Variants in DLG2 observed in about 807,000 individuals in gnomAD.
DLG2 encodes the protein disks large homolog 2.
A neutral mutation model predicts 132.5 loss-of-function variants in DLG2; 45 were observed. That is an observed-to-expected ratio of 0.34 (90% CI 0.27 to 0.44). The LOEUF is 0.44. DLG2 is among the 20% of genes least tolerant of loss of function. DLG2 has a pLI of 1.00. For synonymous variants in DLG2, 424 were observed against 419.6 expected, an observed-to-expected ratio of 1.01 and a Z score of -0.13; for missense variants, 1,045 against 1,196.9, an observed-to-expected ratio of 0.87 and a Z score of 1.87.
intron 19 of DLG2, among the ~76,000 whole-genome samples, chr11:83,595,628 A>T (rs1440843442): frequency 6.6e-6 from 1 of 152,228 alleles, no homozygotes; most frequent in African/African-American, 2.4e-5. Flanking sequence ...GCTGTTACTG[A>T]TGCGGTCTCA....
At chr11:84,619,830 A>G (rs2099610820) in intron 6 of DLG2, among the ~76,000 whole-genome samples, 1 of 151,758 alleles carries the variant, frequency 6.6e-6, no homozygotes, top group South Asian at 2.1e-4. Flanking sequence ...ATGCAAAAAT[A>G]GTCTATATTT....
At position 85,400,624 on chromosome 11, in the gene DLG2, C is replaced by G. The variant is rs1464678215; in HGVS notation, c.41-115259G>C. Among the ~76,000 whole-genome samples the G allele has an allele frequency of 5.6e-5, 8 of 143,958 alleles. 1 individual carries two copies. The South Asian group carries it at 9.1e-4, about 16-fold the overall frequency. The allele number at this position is 143,958 out of a possible 152,430, so 94.4% of individuals were successfully genotyped here. A position where few individuals can be genotyped will look rare whatever the true frequency, so the allele number is the denominator to read the frequency against. On this transcript the variant is annotated intron_variant, in intron 3 of 27. Transcript: ENST00000376104. ...GCCATAAAAAATGATGAGTTCATTT[C>G]CTTTGTAGGGACATGGATGAAATTG...
chr11:85,057,547 C>T (rs979513292), intron 6 of DLG2, among the ~76,000 whole-genome samples: 1 of 151,490 alleles, frequency 6.6e-6, no homozygotes, highest in Non-Finnish European at 1.5e-5. Flanking sequence ...AAATATCAAG[C>T]CCAAAGACTT....
At chr11:85,078,048 T>C (rs916614285) in intron 6 of DLG2, among the ~76,000 whole-genome samples, 2 of 151,898 alleles carry the variant, frequency 1.3e-5, no homozygotes, top group African/African-American at 4.8e-5. Flanking sequence ...TTTTTTACAT[T>C]TCCATTTATT....
chr11:84,679,361 A>G (rs987888464), intron 6 of DLG2, among the ~76,000 whole-genome samples: 5 of 152,118 alleles, frequency 3.3e-5, no homozygotes, highest in Non-Finnish European at 7.4e-5. Flanking sequence ...AAATGATGAC[A>G]GATTCCAGTT....
At chr11:85,273,835 T>G (rs1015431708) in intron 4 of DLG2, among the ~76,000 whole-genome samples, 17 of 152,242 alleles carry the variant, frequency 1.1e-4, no homozygotes, top group Non-Finnish European at 2.1e-4. Flanking sequence ...ACTCACAATA[T>G]CAAAGACTTG....
intron 14 of DLG2, among the ~76,000 whole-genome samples, chr11:83,938,182 C>A (rs942174397): frequency 7.9e-5 from 12 of 152,078 alleles, no homozygotes; most frequent in Admixed American, 1.3e-4. Flanking sequence ...CAGGAAAATG[C>A]TTTATTTTAT....
chr11:84,340,740 C>A (rs1282367864), intron 7 of DLG2, among the ~76,000 whole-genome samples: 1 of 152,062 alleles, frequency 6.6e-6, no homozygotes, highest in Non-Finnish European at 1.5e-5. Context: ...TTGGCCATGA[C>A]ATAACTTCAG....
chr11:83,881,988 A>C (rs1306868399), intron 15 of DLG2, among the ~76,000 whole-genome samples: 3 of 152,040 alleles, frequency 2.0e-5, no homozygotes, highest in African/African-American at 7.2e-5. Context: ...AAAATATTAT[A>C]AAATAAAGAA....
chr11:83,917,403 A>T (rs1415650833), intron 15 of DLG2, among the ~76,000 whole-genome samples: 1 of 152,226 alleles, frequency 6.6e-6, no homozygotes, highest in Non-Finnish European at 1.5e-5. Flanking sequence ...TGTTAGAGGC[A>T]TCCACATATG....
At chr11:83,551,260 G>A (rs1209725484) in intron 19 of DLG2, among the ~76,000 whole-genome samples, 2 of 152,086 alleles carry the variant, frequency 1.3e-5, no homozygotes, top group Non-Finnish European at 2.9e-5. Flanking sequence ...TTTTTCCCCT[G>A]TAAATTCTAT....
chr11:84,176,812 A>G (rs1241424849), intron 8 of DLG2, among the ~76,000 whole-genome samples: 1 of 152,090 alleles, frequency 6.6e-6, no homozygotes, highest in African/African-American at 2.4e-5. Flanking sequence ...CGCTGATAGG[A>G]TAAGTTTCTA....
At chr11:84,857,333 G>A (rs1173617757) in intron 6 of DLG2, among the ~76,000 whole-genome samples, 4 of 151,844 alleles carry the variant, frequency 2.6e-5, no homozygotes, top group Non-Finnish European at 5.9e-5. Context: ...CAGAAGAGAT[G>A]AGAAGGTAAG....
chr11:83,638,186 C>T (rs1451391321), intron 18 of DLG2, among the ~76,000 whole-genome samples: 3 of 152,132 alleles, frequency 2.0e-5, no homozygotes, highest in Non-Finnish European at 4.4e-5. Context: ...CCATTTTCTC[C>T]TCCACATTTT....
chr11:85,336,026 C>T (rs536571477), intron 3 of DLG2: 1 of 152,322 alleles, frequency 6.6e-6, no homozygotes, highest in East Asian at 1.9e-4. Flanking sequence ...TGTAAGGTTT[C>T]ACTGAAGGGC....
rs772863649 is a variant in DLG2 at position 85,285,383 on chromosome 11, G to A, written c.41-18C>T. On this transcript the variant is annotated intron_variant, in intron 3 of 27. Coordinates refer to ENST00000376104, the MANE Select transcript of DLG2 (RefSeq NM_001142699.3). ...TTGGATATCTGTAAAGAAAATGTAA[G>A]GAAAGCATCAAAATGTAATGCATGA... is the stretch of plus-strand genomic sequence containing the variant. 10 of 1,606,314 alleles carry A rather than the reference G, an allele frequency of 6.2e-6. No individual in the cohort carries two copies. The highest frequency in any genetic ancestry group is 3.3e-4 in the Middle Eastern group (2 of 6,036).
intron 6 of DLG2, among the ~76,000 whole-genome samples, chr11:84,767,391 G>C (rs912462892): frequency 6.6e-6 from 1 of 151,932 alleles, no homozygotes. Context: ...TTTATGGCTT[G>C]AAGCATATTA....
chr11:84,277,724 C>T (rs927948403), intron 7 of DLG2, among the ~76,000 whole-genome samples: 6 of 151,926 alleles, frequency 3.9e-5, no homozygotes, highest in African/African-American at 7.3e-5. Context: ...AATAACAGCA[C>T]AGAAGATAGA....
intron 10 of DLG2, among the ~76,000 whole-genome samples, chr11:84,063,905 T>C (rs531801237): frequency 2.0e-5 from 3 of 150,352 alleles, no homozygotes; most frequent in South Asian, 2.1e-4. Flanking sequence ...TAGGTGGGAA[T>C]TGAACAATGA....
Sources: gnomAD v4.1 joint callset for allele counts (sites outside exome capture counted in the v4.1 genomes callset) on GRCh38, gnomAD v4.1.1 for gene constraint, MANE v1.5 for transcripts, NCBI Gene and HGNC (gene_info 2026-07-23, HGNC 2026-07-21) for gene names.